CELF3: variants seen among roughly 807,000 people sequenced by gnomAD.
CELF3 encodes CUGBP Elav-like family member 3.
CELF3 carries 26 observed loss-of-function variants against 59.6 expected under a neutral mutation model. The ratio of observed to expected loss-of-function variants is 0.44; its 90% CI spans 0.32 to 0.61. The LOEUF (loss-of-function observed/expected upper bound fraction) is 0.61, where lower values mean the gene tolerates loss of function less well. CELF3 is among the 20% of genes least tolerant of loss of function. The pLI, the probability that CELF3 is intolerant of heterozygous loss-of-function variation, is 0.06. For missense variants in CELF3, 387 were observed against 627.2 expected (o/e 0.62, Z 4.09); for synonymous variants, 245 against 250.7 (o/e 0.98, Z 0.22).
chr1:151,703,213 C>A lies in CELF3; in HGVS notation c.*246G>T. The A allele has an allele frequency of 2.2e-6, 1 of 458,392 alleles. No individual in the cohort carries two copies. The highest frequency in any genetic ancestry group is 6.9e-5 in the East Asian group (1 of 14,458). The allele number at this position is 458,392 out of a possible 1,614,324, so 28.4% of individuals were successfully genotyped here. On this transcript the variant is annotated 3_prime_UTR_variant, in exon 13 of 13. Coordinates refer to ENST00000290583, the MANE Select transcript of CELF3 (RefSeq NM_007185.7). Reference sequence around the variant, plus strand: ...AGCCTTCGAGCCTGTTCCTCGCTCCCTCACAAAGGCCAAAAGGGCATCTAG... The same window carrying A: ...AGCCTTCGAGCCTGTTCCTCGCTCCATCACAAAGGCCAAAAGGGCATCTAG...
At position 151,702,911 on chromosome 1, in the gene CELF3, GGCCCT is replaced by G; in HGVS notation, c.*543_*547del. On this transcript the variant is annotated 3_prime_UTR_variant, in exon 13 of 13. Coordinates refer to ENST00000290583, the MANE Select transcript of CELF3 (RefSeq NM_007185.7). ...GCTCCCCCACACCCTCCTTAGAGGG[GGCCCT>G]TGGGGGAGGCAGTGAGTTTTAGGGC... 1 of 307,018 alleles carries G rather than the reference GGCCCT, an allele frequency of 3.3e-6. No individual in the cohort carries two copies. Among genetic ancestry groups the G allele is most frequent in the South Asian group, 2.9e-5 (1 of 34,368 alleles). 19.0% of individuals were successfully genotyped at this position (307,018 alleles called of 1,614,324 possible). A position where few individuals can be genotyped will look rare whatever the true frequency, so the allele number is the denominator to read the frequency against.
rs1672082847 is a variant in CELF3, at chr1:151,701,642, G to A, written c.*1817C>T. Among the ~76,000 whole-genome samples the A allele has an allele frequency of 6.6e-6, 1 of 152,150 alleles. No individual in the cohort carries two copies. Among genetic ancestry groups the A allele is most frequent in the African/African-American group, 2.4e-5 (1 of 41,438 alleles). On this transcript the variant is annotated 3_prime_UTR_variant, in exon 13 of 13. Transcript: ENST00000290583. Reference sequence around the variant, plus strand: ...ATTATATCCTACCTAGGCTGGGCGTGGTGGCTCATGCCTGTAATCTGAGCA... The same window carrying A: ...ATTATATCCTACCTAGGCTGGGCGTAGTGGCTCATGCCTGTAATCTGAGCA...
At chr1:151,714,542 C>A in intron 2 of CELF3, 52 bp downstream of exon 2, 1 of 1,362,236 alleles carries the variant, frequency 7.3e-7, no homozygotes, top group Non-Finnish European at 1.0e-6. Context: ...GAGCCTCCTG[C>A]CACTTCTATG....
intron 5 of CELF3, among the ~76,000 whole-genome samples, chr1:151,708,688 T>G (rs1672766975): frequency 7.0e-6 from 1 of 142,620 alleles, no homozygotes; most frequent in Non-Finnish European, 1.5e-5. Flanking sequence ...CCCCAGCAAA[T>G]GAGGGTAGGG....
rs1672086103 is a variant in CELF3, at chr1:151,701,701, C to A, written c.*1758G>T. Among the ~76,000 whole-genome samples the A allele has an allele frequency of 6.6e-6, 1 of 151,858 alleles. No homozygotes were observed. The highest frequency in any genetic ancestry group is 2.1e-4 in the South Asian group (1 of 4,812). ...GGCCAAGGCAGGAGGTTTGCTTGAG[C>A]CCAGGGGTTCGAGACCAGCCTGGGC... On this transcript the variant is annotated 3_prime_UTR_variant, in exon 13 of 13. Transcript: ENST00000290583.
chr1:151,708,025 A>C, intron 5 of CELF3, 90 bp from the exon 6 acceptor site: 3 of 1,434,652 alleles, frequency 2.1e-6, no homozygotes, highest in Non-Finnish European at 1.9e-6. Context: ...TTCCACCCCC[A>C]TGGCATGGCT....
In CELF3 at chr1:151,700,427, G is replaced by A. The variant is rs150531613; in HGVS notation, c.*3032C>T. 1.3e-4 allele frequency among the ~76,000 whole-genome samples: 20 copies of A among 152,332 alleles called. No homozygotes were observed. In the East Asian group the frequency reaches 3.7e-3, roughly 28 times the overall value. On this transcript the variant is annotated 3_prime_UTR_variant, in exon 13 of 13. Coordinates refer to ENST00000290583, the MANE Select transcript of CELF3 (RefSeq NM_007185.7). ...AGTAACTGGGAATGAAAAGACATGGGAGAAAAGGGACCAAACTTGCCTAGA... is the reference window on the plus strand; with the variant it reads ...AGTAACTGGGAATGAAAAGACATGGAAGAAAAGGGACCAAACTTGCCTAGA...
In CELF3 at chr1:151,709,990, G is replaced by A; in HGVS notation, c.229-199C>T. On this transcript the variant is annotated intron_variant, in intron 2 of 12. Coordinates refer to ENST00000290583, the MANE Select transcript of CELF3 (RefSeq NM_007185.7). This position sits in a 1 kb window ranked among gnomAD's most constrained non-coding sequence, Gnocchi z 4.9. ...GAGGCACAGAGAGAGAGGATGTAGA[G>A]GGAGAGGCTCATGGGCACAGCTCCA... The A allele has an allele frequency of 1.6e-6, 1 of 607,818 alleles. No homozygotes were observed. Among genetic ancestry groups the A allele is most frequent in the Non-Finnish European group, 3.0e-6 (1 of 338,126 alleles). The allele number at this position is 607,818 out of a possible 1,614,324, so 37.7% of individuals were successfully genotyped here. A position where few individuals can be genotyped will look rare whatever the true frequency, so the allele number is the denominator to read the frequency against.
Position 151,709,328 on chromosome 1 carries a change from C to T in CELF3, c.298G>A (p.Gly100Arg), listed in dbSNP as rs1427419964. The T allele has an allele frequency of 6.2e-7, 1 of 1,614,060 alleles. No individual in the cohort carries two copies. The highest frequency in any genetic ancestry group is 8.5e-7 in the Non-Finnish European group (1 of 1,179,948). The change falls in exon 4 of 13, where the codon GGG (glycine) becomes AGG (arginine). Residue 100 changes from glycine to arginine, a missense_variant. Around this residue, in one of 3 missense-constraint regions of CELF3, gnomAD observed 208 missense variants for 354.8 expected, o/e 0.59. Transcript: ENST00000290583. The surrounding 1 kb of genome is among the most constrained non-coding windows in gnomAD (Gnocchi z 4.9). ...SRGEDRKLFV[G>R]MLGKQQTDED... ...TCTGTCTGCTGCTTCCCTAGCATCCCCACAAAGAGCTTCCGGTCTTCTGGG... is the reference window on the plus strand; with the variant it reads ...TCTGTCTGCTGCTTCCCTAGCATCCTCACAAAGAGCTTCCGGTCTTCTGGG...
chr1:151,700,499 A>T lies in CELF3; in HGVS notation c.*2960T>A, dbSNP rs1360246381. 6.6e-6 allele frequency among the ~76,000 whole-genome samples: 1 copy of T among 152,224 alleles called. No individual in the cohort carries two copies. The highest frequency in any genetic ancestry group is 1.5e-5 in the Non-Finnish European group (1 of 68,032). On this transcript the variant is annotated 3_prime_UTR_variant, in exon 13 of 13. Coordinates refer to ENST00000290583, the MANE Select transcript of CELF3 (RefSeq NM_007185.7). ...GGGTATGTGTAGGAATGAAGTGGAA[A>T]GTAAGGCTTCGAAGAGCCTTGAATG...
At position 151,707,847 on chromosome 1, in the gene CELF3, C is replaced by G; in HGVS notation, c.575G>C (p.Gly192Ala). Residue 192 changes from glycine to alanine, a missense_variant, in exon 6 of 13, where the codon GGC becomes GCC. Around this residue, in one of 3 missense-constraint regions of CELF3, gnomAD observed 208 missense variants for 354.8 expected, o/e 0.59. Transcript: ENST00000290583. ...RRMQQVATQL[G>A]MFSPIALQFG... is the part of the protein sequence containing the mutation. ...CTGGAGGGCGATGGGGCTGAACATGCCCAACTGGGTGGCCACCTGCTGCAT... is the reference window on the plus strand; with the variant it reads ...CTGGAGGGCGATGGGGCTGAACATGGCCAACTGGGTGGCCACCTGCTGCAT... 1 of 1,613,892 alleles carries G rather than the reference C, an allele frequency of 6.2e-7. No homozygotes were observed. Among genetic ancestry groups the G allele is most frequent in the Non-Finnish European group, 8.5e-7 (1 of 1,179,876 alleles).
In CELF3 at chr1:151,716,773, C is replaced by T. The variant is rs1162671221; in HGVS notation, c.-753G>A. On this transcript the variant is annotated 5_prime_UTR_variant, in exon 1 of 13. Transcript: ENST00000290583. ...CGGTCACCTGGGTCCCGGAGCTCTGCTCTCCGGCCGCGCTCTCCTCAACAA... is the reference window on the plus strand; with the variant it reads ...CGGTCACCTGGGTCCCGGAGCTCTGTTCTCCGGCCGCGCTCTCCTCAACAA... 2.1e-6 allele frequency: 1 copy of T among 465,906 alleles called. No homozygotes were observed. Among genetic ancestry groups the T allele is most frequent in the South Asian group, 1.6e-5 (1 of 64,280 alleles). The allele number at this position is 465,906 out of a possible 1,614,324, so 28.9% of individuals were successfully genotyped here.
Position 151,706,293 on chromosome 1 carries a change from G to T in CELF3, c.1057C>A (p.Gln353Lys). 1 of 1,566,842 alleles carries T rather than the reference G, an allele frequency of 6.4e-7. No homozygotes were observed. Among genetic ancestry groups the T allele is most frequent in the Non-Finnish European group, 8.6e-7 (1 of 1,156,298 alleles). ...FPQPPALVAQ[Q>K]PPPPPQQQQQ... ...TGCTGTTGAGGTGGTGGTGGGGGCT[G>T]CTGGGCGACCAGGGCTGGAGGCTGC... The change falls in exon 10 of 13, where the codon CAG (glutamine) becomes AAG (lysine). Residue 353 changes from glutamine (Q) to lysine (K), a missense_variant. Coordinates refer to ENST00000290583, the MANE Select transcript of CELF3 (RefSeq NM_007185.7).
In CELF3 at chr1:151,712,654, G is replaced by A. The variant is rs12080698; in HGVS notation, c.228+1940C>T. Among the ~76,000 whole-genome samples the A allele has an allele frequency of 3.9e-5, 6 of 152,358 alleles. No individual in the cohort carries two copies. The South Asian group carries it at 8.3e-4, about 21-fold the overall frequency. On this transcript the variant is annotated intron_variant, in intron 2 of 12. Transcript: ENST00000290583. ...AGAGCCACTCCTGGGAACTCTTAGG[G>A]GAGAGAAAAGGAAATGGGGCTCAAC... is the stretch of plus-strand genomic sequence containing the variant.
rs1004688225 is a variant in CELF3, at chr1:151,701,606, C to T, written c.*1853G>A. Among the ~76,000 whole-genome samples the T allele has an allele frequency of 1.3e-5, 2 of 152,120 alleles. No homozygotes were observed. Among genetic ancestry groups the T allele is most frequent in the Admixed American group, 6.6e-5 (1 of 15,264 alleles). Reference sequence around the variant, plus strand: ...AGTTAACCTTCCAAGCCTCCTTTTCCCATCTATAAAATTATATCCTACCTA... The same window carrying T: ...AGTTAACCTTCCAAGCCTCCTTTTCTCATCTATAAAATTATATCCTACCTA... On this transcript the variant is annotated 3_prime_UTR_variant, in exon 13 of 13. Coordinates refer to ENST00000290583, the MANE Select transcript of CELF3 (RefSeq NM_007185.7).
intron 2 of CELF3, among the ~76,000 whole-genome samples, chr1:151,712,912 C>G (rs1324990444): frequency 6.6e-6 from 1 of 152,122 alleles, no homozygotes; most frequent in African/African-American, 2.4e-5. Context: ...TGCATGCACA[C>G]ACACTCATGC....
chr1:151,710,759 T>TCAA lies in CELF3; in HGVS notation c.229-969_229-968insTTG, dbSNP rs1226459864. 6 of 456,392 alleles carry TCAA rather than the reference T, an allele frequency of 1.3e-5. No homozygotes were observed. In the Admixed American group the frequency reaches 1.4e-4, roughly 11 times the overall value. 28.3% of individuals were successfully genotyped at this position (456,392 alleles called of 1,614,324 possible). On this transcript the variant is annotated intron_variant, in intron 2 of 12. Transcript: ENST00000290583. ...CGACCCCTGCAGTATCTCCCTTTGT[T>TCAA]CAGTCTTCAGTGGAAATGGAGAAAT...
chr1:151,705,891 C>G lies in CELF3; in HGVS notation c.1201G>C (p.Val401Leu). The change falls in exon 11 of 13, where the codon GTC (valine) becomes CTC (leucine). Residue 401 changes from valine to leucine, a missense_variant. By Grantham distance (32) the Val-to-Leu change is conservative. Transcript: ENST00000290583. The surrounding 1 kb of genome is among the most constrained non-coding windows in gnomAD (Gnocchi z 5.1). ...FTDSEILQMF[V>L]PFGHVISAKV... ...GCTGAGATGACGTGGCCAAAGGGGA[C>G]AAACATCTGGAGGATCTCTGAGTCA... 6.2e-7 allele frequency: 1 copy of G among 1,614,142 alleles called. No individual in the cohort carries two copies. The highest frequency in any genetic ancestry group is 8.5e-7 in the Non-Finnish European group (1 of 1,179,988).
chr1:151,709,223 T>C lies in CELF3; in HGVS notation c.403A>G (p.Lys135Glu), dbSNP rs888907545. ...TVLRGPDGTS[K>E]GCAFVKFQTH... ...AAGGGGGAAGTGGGTGGACTACCTT[T>C]GCTGGTGCCATCTGGCCCCCGGAGC... is the stretch of plus-strand genomic sequence containing the variant. The change falls in exon 4 of 13, where the codon AAA becomes GAA. Residue 135 changes from lysine (K) to glutamate (E), a missense_variant. Lys to Glu is a moderately conservative substitution (Grantham distance 56). This residue lies in a region of CELF3 where 208 missense variants were observed against 354.8 expected (regional missense o/e 0.59). Coordinates refer to ENST00000290583, the MANE Select transcript of CELF3 (RefSeq NM_007185.7). The surrounding 1 kb of genome is among the most constrained non-coding windows in gnomAD (Gnocchi z 4.9). The C allele has an allele frequency of 6.2e-7, 1 of 1,613,802 alleles. No individual in the cohort carries two copies. Among genetic ancestry groups the C allele is most frequent in the African/African-American group, 1.3e-5 (1 of 75,032 alleles).
Sources: allele counts gnomAD v4.1 joint callset (sites outside exome capture counted in the v4.1 genomes callset), GRCh38; gene constraint gnomAD v4.1.1; regional missense constraint gnomAD v4.1.1; non-coding constraint Gnocchi (gnomAD v3.1); transcripts MANE v1.5; gene names NCBI Gene and HGNC (gene_info 2026-07-23, HGNC 2026-07-21).